Variants in TAF2 observed in about 807,000 individuals in gnomAD.
TAF2 encodes TATA-box binding protein associated factor 2.
TAF2 carries 61 observed loss-of-function variants against 138.5 expected under a neutral mutation model. That is an observed-to-expected ratio of 0.44 (90% CI 0.36 to 0.54). The LOEUF is 0.54. Ranked by LOEUF, TAF2 falls within the 20% of genes least tolerant of loss-of-function variation. The pLI is 0.00. For synonymous variants in TAF2, 475 were observed against 469.9 expected (o/e 1.01, Z -0.14); for missense variants, 1,090 against 1,427.9 (o/e 0.76, Z 3.81).
intron 18 of TAF2, among the ~76,000 whole-genome samples, chr8:119,768,571 T>C (rs1295516735): frequency 1.3e-5 from 2 of 152,242 alleles, no homozygotes; most frequent in African/African-American, 4.8e-5. Flanking sequence ...ACTTGCTTTC[T>C]GGCCAAGCAT....
intron 25 of TAF2, among the ~76,000 whole-genome samples, chr8:119,736,098 T>G (rs549921610): frequency 6.6e-6 from 1 of 152,346 alleles, no homozygotes; most frequent in East Asian, 1.9e-4. Flanking sequence ...TGTTGGAACC[T>G]GTACTTCTCA....
rs933809687 is a variant in TAF2, at chr8:119,749,685, T to G, written c.2879-2751A>C. On this transcript the variant is annotated intron_variant, in intron 22 of 25. Coordinates refer to ENST00000378164, the MANE Select transcript of TAF2 (RefSeq NM_003184.4). The stretch of plus-strand genomic sequence containing the variant: ...CAGATGATCTTTAAGACTCCCCTCA[T>G]CAGGTCTAAAATCTGATGATTCCAA... 6.6e-5 allele frequency among the ~76,000 whole-genome samples: 10 copies of G among 152,280 alleles called. No homozygotes were observed. The East Asian group carries it at 9.7e-4, about 15-fold the overall frequency.
intron 6 of TAF2, among the ~76,000 whole-genome samples, chr8:119,798,429 T>C (rs1485809828): frequency 1.3e-5 from 2 of 152,186 alleles, no homozygotes; most frequent in Non-Finnish European, 1.5e-5. Context: ...ACAAATATCA[T>C]ATGCTATCTC....
At chr8:119,756,503 T>C (rs896565112) in intron 21 of TAF2, among the ~76,000 whole-genome samples, 1 of 152,180 alleles carries the variant, frequency 6.6e-6, no homozygotes, top group Non-Finnish European at 1.5e-5. Context: ...ATATCTACAA[T>C]GACTGGTCAG....
At position 119,731,059 on chromosome 8, in the gene TAF2, T is replaced by G. The variant is rs1018670867; in HGVS notation, c.*865A>C. The G allele has an allele frequency of 2.0e-5, 3 of 152,214 alleles. No individual in the cohort carries two copies. The highest frequency in any genetic ancestry group is 4.4e-5 in the Non-Finnish European group (3 of 68,030). 9.4% of individuals were successfully genotyped at this position (152,214 alleles called of 1,614,324 possible). On this transcript the variant is annotated 3_prime_UTR_variant, in exon 26 of 26. Coordinates refer to ENST00000378164, the MANE Select transcript of TAF2 (RefSeq NM_003184.4). ...TTAATAAACAATATATAAGCTCACC[T>G]TTTTAAAGGTATCATACTTTGTGTC...
chr8:119,787,030 C>A (rs752720261), intron 14 of TAF2, among the ~76,000 whole-genome samples: 12 of 152,114 alleles, frequency 7.9e-5, no homozygotes, highest in Admixed American at 2.6e-4. Flanking sequence ...AAAGCATTGG[C>A]AACAAAAGTC....
rs781469755 is a variant in TAF2, at chr8:119,785,222, T to G, written c.1838A>C (p.Asp613Ala). The part of the protein sequence containing the change: ...KIPLMNGEEV[D>A]MDLSAMDADS... ...TTACTCCATTGCAGAAAGATCCATA[T>G]CAACTTCTTCTCCATTCATCAGTGG... is the stretch of plus-strand genomic sequence containing the variant. The change falls in exon 15 of 26, where the codon GAT becomes GCT. Residue 613 changes from aspartate (D) to alanine (A), a missense_variant. By Grantham distance (126) the Asp-to-Ala change is moderately radical. Transcript: ENST00000378164. 6.2e-7 allele frequency: 1 copy of G among 1,612,940 alleles called. No individual in the cohort carries two copies. The highest frequency in any genetic ancestry group is 1.3e-5 in the African/African-American group (1 of 75,048).
chr8:119,819,140 T>A (rs1825668773), intron 3 of TAF2, among the ~76,000 whole-genome samples: 1 of 151,986 alleles, frequency 6.6e-6, no homozygotes, highest in Non-Finnish European at 1.5e-5. Flanking sequence ...AGTTTTAACA[T>A]GAAGAAGGGA....
In TAF2 at chr8:119,800,404, C is replaced by G. The variant is rs191479601; in HGVS notation, c.792+1390G>C. The stretch of plus-strand genomic sequence containing the variant: ...AGCACCATTTATTAAATAGGGAATC[C>G]TTTCCCCATTTCTTGTTTTTATCAG... On this transcript the variant is annotated intron_variant, in intron 6 of 25. Transcript: ENST00000378164. 2.9e-3 allele frequency among the ~76,000 whole-genome samples: 444 copies of G among 152,236 alleles called. 3 individuals carry two copies. The highest frequency in any genetic ancestry group is 0.01 in the African/African-American group (418 of 41,530).
chr8:119,804,839 A>G (rs1170178282), intron 4 of TAF2, among the ~76,000 whole-genome samples: 2 of 152,136 alleles, frequency 1.3e-5, no homozygotes, highest in African/African-American at 2.4e-5. Flanking sequence ...AGTAGGGAAC[A>G]CCACCGGAGA....
chr8:119,819,326 T>G lies in TAF2; in HGVS notation c.299+20A>C, dbSNP rs749007944. 4 of 1,611,018 alleles carry G rather than the reference T, an allele frequency of 2.5e-6. No homozygotes were observed. In the East Asian group the frequency reaches 8.9e-5, roughly 36 times the overall value. Reference sequence around the variant, plus strand: ...TTTCAAAACTGTTAAAAATAGTGACTTTTAAAGTGCATAACTTACTGTTTT... The same window carrying G: ...TTTCAAAACTGTTAAAAATAGTGACGTTTAAAGTGCATAACTTACTGTTTT... On this transcript the variant is annotated intron_variant, in intron 3 of 25. Coordinates refer to ENST00000378164, the MANE Select transcript of TAF2 (RefSeq NM_003184.4).
chr8:119,785,323 A>C, intron 14 of TAF2, 57 bp from the exon 15 acceptor site: 1 of 1,184,042 alleles, frequency 8.4e-7, no homozygotes. Flanking sequence ...CTGAATGGAC[A>C]TTAACAGCAG....
rs905491148 is a variant in TAF2, at chr8:119,818,890, G to A, written c.299+456C>T. Among the ~76,000 whole-genome samples, 27 of 152,102 alleles carry A rather than the reference G, an allele frequency of 1.8e-4. 1 individual carries two copies. Among genetic ancestry groups the A allele is most frequent in the Non-Finnish European group, 2.5e-4 (17 of 67,992 alleles). On this transcript the variant is annotated intron_variant, in intron 3 of 25. Coordinates refer to ENST00000378164, the MANE Select transcript of TAF2 (RefSeq NM_003184.4). ...TAGTATTTATCTAAGGTGAAGAAAC[G>A]AGCTACTTTAGACCTAATATGTTTA... is the stretch of plus-strand genomic sequence containing the variant.
rs572677521 is a variant in TAF2, at chr8:119,744,137, A to G, written c.3214+151T>C. 64 of 794,664 alleles carry G rather than the reference A, an allele frequency of 8.1e-5. No homozygotes were observed. The African/African-American group carries it at 1.0e-3, about 13-fold the overall frequency. 49.2% of individuals were successfully genotyped at this position (794,664 alleles called of 1,614,324 possible). On this transcript the variant is annotated intron_variant, in intron 24 of 25. Coordinates refer to ENST00000378164, the MANE Select transcript of TAF2 (RefSeq NM_003184.4). ...ACTTTTTCTATTTGTTATTTTGCCA[A>G]TTTATGTTATAATCTGCTACAATTT...
rs1268468342 is a variant in TAF2 at position 119,797,047 on chromosome 8, C to T, written c.1034G>A (p.Cys345Tyr). Residue 345 changes from cysteine to tyrosine, a missense_variant, in exon 8 of 26, where the codon TGT (cysteine) becomes TAT (tyrosine). This residue lies in a region of TAF2 where 504 missense variants were observed against 680.9 expected (regional missense o/e 0.74). Transcript: ENST00000378164. ...IIDETPLTRRCLAQSLAQQFF... is the reference protein window; with the variant it reads ...IIDETPLTRRYLAQSLAQQFF... Reference sequence around the variant, plus strand: ...CTGCTGGGCCAAGGATTGGGCTAAACACCTTCTAGTCAAAGGTGTCTCATC... The same window carrying T: ...CTGCTGGGCCAAGGATTGGGCTAAATACCTTCTAGTCAAAGGTGTCTCATC... 1.2e-6 allele frequency: 2 copies of T among 1,613,336 alleles called. No individual in the cohort carries two copies. The highest frequency in any genetic ancestry group is 8.5e-7 in the Non-Finnish European group (1 of 1,179,538).
intron 3 of TAF2, among the ~76,000 whole-genome samples, chr8:119,813,898 T>C (rs1413659919): frequency 6.6e-6 from 1 of 152,166 alleles, no homozygotes; most frequent in African/African-American, 2.4e-5. Context: ...GAAGGACCAC[T>C]TGAGGCCAGG....
chr8:119,762,726 C>A, intron 18 of TAF2, 118 bp from the exon 19 acceptor site: 1 of 872,070 alleles, frequency 1.1e-6, no homozygotes. Flanking sequence ...AAAACACAAG[C>A]AAGTCCTCTG....
chr8:119,784,596 G>A (rs907883382), intron 15 of TAF2, among the ~76,000 whole-genome samples: 1 of 152,048 alleles, frequency 6.6e-6, no homozygotes, highest in Admixed American at 6.6e-5. Context: ...TAATTACAGA[G>A]GTTTTATAAA....
intron 2 of TAF2, among the ~76,000 whole-genome samples, chr8:119,830,583 C>T (rs920862396): frequency 2.0e-5 from 3 of 152,084 alleles, no homozygotes; most frequent in Admixed American, 6.5e-5. Context: ...ATTCCATAAA[C>T]GAGGAGACTA....
Sources: gnomAD v4.1 joint callset for allele counts (sites outside exome capture counted in the v4.1 genomes callset) on GRCh38, gnomAD v4.1.1 for gene constraint, gnomAD v4.1.1 regional missense constraint, MANE v1.5 for transcripts, NCBI Gene and HGNC (gene_info 2026-07-23, HGNC 2026-07-21) for gene names.